PLCL1: variants seen among roughly 807,000 people sequenced by gnomAD.
PLCL1 encodes inactive phospholipase C-like protein 1.
A neutral mutation model predicts 84.4 loss-of-function variants in PLCL1; 41 were observed. The observed-to-expected ratio is 0.49, with a 90% CI of 0.38 to 0.63. The LOEUF (loss-of-function observed/expected upper bound fraction) is 0.63, where lower values mean the gene tolerates loss of function less well. PLCL1 is among the 30% of genes least tolerant of loss of function. The probability of loss-of-function intolerance (pLI) is 0.00; values close to 1 mark genes in which losing one functional copy is unlikely to be tolerated. For synonymous variants in PLCL1, 490 were observed against 488.3 expected (o/e 1.00, Z -0.05); for missense variants, 1,206 against 1,367.8 (o/e 0.88, Z 1.87).
intron 1 of PLCL1, among the ~76,000 whole-genome samples, chr2:198,035,154 A>G (rs1313794949): frequency 6.6e-6 from 1 of 152,202 alleles, no homozygotes; most frequent in African/African-American, 2.4e-5. Context: ...AGTGTTAATG[A>G]CGGTCAGTTT....
chr2:197,839,894 G>A (rs867497677), intron 1 of PLCL1, among the ~76,000 whole-genome samples: 1 of 151,948 alleles, frequency 6.6e-6, no homozygotes, highest in Non-Finnish European at 1.5e-5. Context: ...TTTCTTTTGT[G>A]GTTTTAATCT....
intron 1 of PLCL1, among the ~76,000 whole-genome samples, chr2:198,016,295 C>T (rs920081211): frequency 5.3e-5 from 8 of 152,116 alleles, no homozygotes; most frequent in South Asian, 2.1e-4. Flanking sequence ...TGTTACTTGT[C>T]GTGCTCACAG....
chr2:198,027,974 C>T (rs999133900), intron 1 of PLCL1, among the ~76,000 whole-genome samples: 2 of 152,082 alleles, frequency 1.3e-5, no homozygotes, highest in Non-Finnish European at 1.5e-5. Flanking sequence ...GCTGGAACTA[C>T]AGTTATGCAC....
At chr2:197,859,884 T>A (rs55922041) in intron 1 of PLCL1, among the ~76,000 whole-genome samples, 16 of 152,118 alleles carry the variant, frequency 1.1e-4, no homozygotes, top group African/African-American at 2.9e-4. Flanking sequence ...TTTTAAAAAA[T>A]TTTTTTAAGT....
At chr2:197,890,514 T>TA (rs1332468180) in intron 1 of PLCL1, among the ~76,000 whole-genome samples, 1 of 151,818 alleles carries the variant, frequency 6.6e-6, no homozygotes, top group African/African-American at 2.4e-5. Context: ...CTTTAAAATG[T>TA]AAAAAAGATA....
At chr2:197,831,755 C>A (rs186103160) in intron 1 of PLCL1, among the ~76,000 whole-genome samples, 11 of 152,136 alleles carry the variant, frequency 7.2e-5, no homozygotes, top group Non-Finnish European at 1.5e-4. Flanking sequence ...TCTAAATTTG[C>A]CCACATAATT....
chr2:197,891,850 A>G (rs1033551574), intron 1 of PLCL1, among the ~76,000 whole-genome samples: 4 of 152,188 alleles, frequency 2.6e-5, no homozygotes, highest in African/African-American at 4.8e-5. Flanking sequence ...TTGATAGTTC[A>G]GGGTTAGGAT....
intron 1 of PLCL1, among the ~76,000 whole-genome samples, chr2:197,953,851 G>GT (rs57247809): frequency 0.15 from 21,826 of 146,080 alleles, 1,903 homozygotes; most frequent in East Asian, 0.27. Flanking sequence ...GTATTCCAGA[G>GT]TTTTTTTTTT....
rs547768721 is a variant in PLCL1, at chr2:198,040,708, G to A, written c.241-43050G>A. On this transcript the variant is annotated intron_variant, in intron 1 of 5. Coordinates refer to ENST00000428675, the MANE Select transcript of PLCL1 (RefSeq NM_006226.4). ...ATTCTACAGGCTCTGTGAGCTGAGTGGTGAAGTTGCACATTTTCTAATTGG... is the reference window on the plus strand; with the variant it reads ...ATTCTACAGGCTCTGTGAGCTGAGTAGTGAAGTTGCACATTTTCTAATTGG... Among the ~76,000 whole-genome samples, 3 of 152,282 alleles carry A rather than the reference G, an allele frequency of 2.0e-5. No individual in the cohort carries two copies. In the East Asian group the frequency reaches 5.8e-4, roughly 29 times the overall value.
intron 1 of PLCL1, among the ~76,000 whole-genome samples, chr2:197,888,983 A>G (rs1350360107): frequency 6.6e-5 from 10 of 152,214 alleles, no homozygotes; most frequent in Non-Finnish European, 1.3e-4. Context: ...CAGTGGAAAA[A>G]TTTGCTAAAA....
intron 1 of PLCL1, among the ~76,000 whole-genome samples, chr2:197,844,880 T>A (rs1014503619): frequency 4.6e-5 from 7 of 152,116 alleles, no homozygotes; most frequent in African/African-American, 1.4e-4. Flanking sequence ...CCCTAGGAAG[T>A]CATTTAGACA....
chr2:198,095,387 G>T (rs562348387), intron 3 of PLCL1, among the ~76,000 whole-genome samples: 25 of 152,272 alleles, frequency 1.6e-4, no homozygotes, highest in African/African-American at 5.8e-4. Context: ...GCAAATAAAA[G>T]TAATATGACT....
chr2:197,998,654 G>A (rs1349873742), intron 1 of PLCL1, among the ~76,000 whole-genome samples: 3 of 152,148 alleles, frequency 2.0e-5, no homozygotes, highest in African/African-American at 4.8e-5. Flanking sequence ...TGATAGAGAA[G>A]TTGGCTACAT....
chr2:198,091,871 C>A (rs1007354694), intron 3 of PLCL1, among the ~76,000 whole-genome samples: 87 of 152,006 alleles, frequency 5.7e-4, no homozygotes, highest in Non-Finnish European at 9.4e-4. Flanking sequence ...TTATGATTTG[C>A]CCCTGCTTGT....
In PLCL1 at chr2:198,040,598, T is replaced by C. The variant is rs1018745562; in HGVS notation, c.241-43160T>C. 3.3e-5 allele frequency among the ~76,000 whole-genome samples: 5 copies of C among 152,284 alleles called. No homozygotes were observed. In the South Asian group the frequency reaches 8.3e-4, roughly 25 times the overall value. ...ATCTGAGGAGGCTTATGAGCTTCCC[T>C]GGGAATTGCTTTCTTCTTCCAGCTT... On this transcript the variant is annotated intron_variant, in intron 1 of 5. Coordinates refer to ENST00000428675, the MANE Select transcript of PLCL1 (RefSeq NM_006226.4).
intron 1 of PLCL1, among the ~76,000 whole-genome samples, chr2:197,941,290 A>G (rs955633532): frequency 4.0e-4 from 61 of 151,258 alleles, no homozygotes; most frequent in African/African-American, 1.4e-3. Flanking sequence ...ATGAAGGGGA[A>G]TACTATTTTT....
chr2:198,133,627 T>G (rs1694183447), intron 5 of PLCL1, among the ~76,000 whole-genome samples: 1 of 151,404 alleles, frequency 6.6e-6, no homozygotes, highest in South Asian at 2.1e-4. Flanking sequence ...TTTTGACAAG[T>G]GCATGTGATG....
intron 2 of PLCL1, among the ~76,000 whole-genome samples, chr2:198,087,394 T>C (rs1177052151): frequency 6.6e-6 from 1 of 152,162 alleles, no homozygotes; most frequent in African/African-American, 2.4e-5. Context: ...AGGCTAGTGT[T>C]ATTGAGATGC....
At chr2:198,025,438 C>T (rs186422544) in intron 1 of PLCL1, among the ~76,000 whole-genome samples, 197 of 151,510 alleles carry the variant, frequency 1.3e-3, no homozygotes, top group African/African-American at 4.7e-3. Context: ...CTTTTGATAG[C>T]TGCACAGTAC....
Sources: allele counts gnomAD v4.1 joint callset (sites outside exome capture counted in the v4.1 genomes callset), GRCh38; gene constraint gnomAD v4.1.1; transcripts MANE v1.5; gene names NCBI Gene and HGNC (gene_info 2026-07-23, HGNC 2026-07-21).